The following AGBL4 variants were observed in gnomAD, a reference collection of about 807,000 sequenced individuals.
The protein encoded by AGBL4 is AGBL carboxypeptidase 4, also known as cytosolic carboxypeptidase 6.
Under a neutral mutation model 66.4 loss-of-function variants are expected in AGBL4, and 58 were observed. The ratio of observed to expected loss-of-function variants is 0.87; its 90% CI spans 0.71 to 1.09. The LOEUF (loss-of-function observed/expected upper bound fraction) is 1.09, where lower values mean the gene tolerates loss of function less well. AGBL4 is among the 50% of genes least tolerant of loss of function. The pLI, the probability that AGBL4 is intolerant of heterozygous loss-of-function variation, is 0.00. For missense variants in AGBL4, 579 were observed against 631.0 expected (o/e 0.92, Z 0.88); for synonymous variants, 234 against 222.9 (o/e 1.05, Z -0.44).
At chr1:49,615,577 A>G (rs997017479) in intron 3 of AGBL4, among the ~76,000 whole-genome samples, 7 of 152,096 alleles carry the variant, frequency 4.6e-5, no homozygotes, top group African/African-American at 1.4e-4. Context: ...CTGCCAAATA[A>G]TCTTCTCATA....
At chr1:48,675,953 A>T (rs1011175323) in intron 6 of AGBL4, among the ~76,000 whole-genome samples, 11 of 152,268 alleles carry the variant, frequency 7.2e-5, no homozygotes, top group African/African-American at 2.7e-4. Flanking sequence ...TAAAAATTTA[A>T]TTCACAGGAT....
At chr1:49,961,644 T>C (rs2148344511) in intron 1 of AGBL4, among the ~76,000 whole-genome samples, 1 of 152,282 alleles carries the variant, frequency 6.6e-6, no homozygotes, top group East Asian at 1.9e-4. Flanking sequence ...ATGCTTTGAA[T>C]AGTTTAGTAA....
chr1:48,963,501 C>A (rs149841148), intron 5 of AGBL4, among the ~76,000 whole-genome samples: 1 of 144,052 alleles, frequency 6.9e-6, no homozygotes, highest in Non-Finnish European at 1.5e-5. Context: ...TAGAATTCAT[C>A]TTTTTTTTTT....
At chr1:48,689,439 TC>T (rs1326669726) in intron 6 of AGBL4, among the ~76,000 whole-genome samples, 3 of 145,328 alleles carry the variant, frequency 2.1e-5, no homozygotes, top group African/African-American at 7.8e-5. Flanking sequence ...CTTCTTTCCT[TC>T]CCTCCCTCCC....
chr1:49,801,701 A>G (rs1446923646), intron 2 of AGBL4, among the ~76,000 whole-genome samples: 3 of 152,220 alleles, frequency 2.0e-5, no homozygotes, highest in Admixed American at 1.3e-4. Flanking sequence ...TGAATGCTCA[A>G]AGAAGTAACC....
At chr1:49,762,186 A>G (rs1652375842) in intron 2 of AGBL4, among the ~76,000 whole-genome samples, 1 of 152,150 alleles carries the variant, frequency 6.6e-6, no homozygotes, top group Admixed American at 6.5e-5. Context: ...TTAATTTCCA[A>G]TCCCATGAAT....
intron 4 of AGBL4, among the ~76,000 whole-genome samples, chr1:49,188,723 G>A (rs1244100450): frequency 6.6e-6 from 1 of 152,162 alleles, no homozygotes; most frequent in Admixed American, 6.6e-5. Flanking sequence ...ATTGAATTCA[G>A]AATCAAAATA....
chr1:48,914,411 G>A (rs112165580), intron 5 of AGBL4, among the ~76,000 whole-genome samples: 58 of 152,306 alleles, frequency 3.8e-4, no homozygotes, highest in African/African-American at 1.3e-3. Flanking sequence ...GTAAAGGATT[G>A]AGGAATTAGT....
chr1:49,875,659 T>C (rs1369115622), intron 1 of AGBL4, among the ~76,000 whole-genome samples: 1 of 145,180 alleles, frequency 6.9e-6, no homozygotes, highest in Non-Finnish European at 1.5e-5. Flanking sequence ...TATAGTCATT[T>C]GGGTATATAC....
chr1:48,557,388 G>T (rs1209721903), intron 11 of AGBL4, among the ~76,000 whole-genome samples: 1 of 152,160 alleles, frequency 6.6e-6, no homozygotes, highest in African/African-American at 2.4e-5. Context: ...AGGAGCAGGG[G>T]TGGGTATGGA....
chr1:48,819,142 C>T (rs1265626018), intron 6 of AGBL4, among the ~76,000 whole-genome samples: 1 of 151,964 alleles, frequency 6.6e-6, no homozygotes, highest in African/African-American at 2.4e-5. Flanking sequence ...GTGAAGGCTT[C>T]CTAGAGATGA....
intron 6 of AGBL4, among the ~76,000 whole-genome samples, chr1:48,809,611 A>AGTT (rs1646004696): frequency 6.6e-6 from 1 of 152,188 alleles, no homozygotes; most frequent in Non-Finnish European, 1.5e-5. Flanking sequence ...TCCTGCCTTA[A>AGTT]CAGGTAGAGG....
chr1:49,052,269 C>A (rs1049289338), intron 4 of AGBL4, among the ~76,000 whole-genome samples: 5 of 152,108 alleles, frequency 3.3e-5, no homozygotes, highest in Admixed American at 6.6e-5. Flanking sequence ...ATATTCCTAC[C>A]TATGGTGGCT....
intron 1 of AGBL4, among the ~76,000 whole-genome samples, chr1:50,003,689 G>C (rs1572042578): frequency 6.6e-6 from 1 of 152,152 alleles, no homozygotes; most frequent in Non-Finnish European, 1.5e-5. Context: ...AAGGTCAGAA[G>C]GAAGGAAGAA....
At chr1:49,034,820 T>C (rs146035775) in intron 5 of AGBL4, among the ~76,000 whole-genome samples, 1 of 152,162 alleles carries the variant, frequency 6.6e-6, no homozygotes, top group Admixed American at 6.5e-5. Flanking sequence ...GAAGTGTGAG[T>C]CAATTAAACC....
At chr1:49,674,021 A>G (rs908319399) in intron 3 of AGBL4, among the ~76,000 whole-genome samples, 2 of 152,118 alleles carry the variant, frequency 1.3e-5, no homozygotes, top group African/African-American at 4.8e-5. Flanking sequence ...AGTTTCAGAA[A>G]AGGTACAATC....
At chr1:49,662,886 AC>A (rs900002613) in intron 3 of AGBL4, among the ~76,000 whole-genome samples, 5 of 152,230 alleles carry the variant, frequency 3.3e-5, no homozygotes, top group Admixed American at 1.3e-4. Context: ...CAAGAAAAGA[AC>A]CGTGCACATC....
At chr1:49,058,675 G>A (rs1000478119) in intron 4 of AGBL4, among the ~76,000 whole-genome samples, 7 of 152,198 alleles carry the variant, frequency 4.6e-5, no homozygotes, top group Non-Finnish European at 8.8e-5. Context: ...GGAGGGCTCA[G>A]AAGAAGACAG....
intron 2 of AGBL4, among the ~76,000 whole-genome samples, chr1:49,804,489 T>C (rs1191065860): frequency 6.6e-6 from 1 of 152,224 alleles, no homozygotes; most frequent in Admixed American, 6.6e-5. Context: ...TCAACATTTA[T>C]TATGGAGTAT....
Sources: gnomAD v4.1 joint callset for allele counts (sites outside exome capture counted in the v4.1 genomes callset) on GRCh38, gnomAD v4.1.1 for gene constraint, MANE v1.5 for transcripts, NCBI Gene and HGNC (gene_info 2026-07-23, HGNC 2026-07-21) for gene names.